The following BMP2K variants were observed in gnomAD, a reference collection of about 807,000 sequenced individuals.
The protein encoded by BMP2K is BMP2 inducible kinase, also known as BMP-2-inducible protein kinase.
In BMP2K, 74 loss-of-function variants were observed where a neutral mutation model predicts 116.0. That is an observed-to-expected ratio of 0.64 (90% CI 0.53 to 0.77). The LOEUF (loss-of-function observed/expected upper bound fraction) is 0.77, where lower values mean the gene tolerates loss of function less well. BMP2K is among the 30% of genes least tolerant of loss of function. BMP2K has a pLI of 0.00. For synonymous variants in BMP2K, 486 were observed against 502.5 expected, an observed-to-expected ratio of 0.97 and a Z score of 0.44; for missense variants, 1,365 against 1,403.6, an observed-to-expected ratio of 0.97 and a Z score of 0.44.
chr4:78,911,748 C>A lies in BMP2K; in HGVS notation c.3201C>A (p.Asp1067Glu). The A allele has an allele frequency of 6.2e-7, 1 of 1,613,986 alleles. No homozygotes were observed. Among genetic ancestry groups the A allele is most frequent in the Non-Finnish European group, 8.5e-7 (1 of 1,179,884 alleles). The change falls in exon 16 of 16, where the codon GAC (aspartate) becomes GAA (glutamate). Residue 1067 changes from aspartate (D) to glutamate (E), a missense_variant. Coordinates refer to ENST00000502613, the MANE Select transcript of BMP2K (RefSeq NM_198892.2). ...TACAACCTGAGGAGAGCCTGTTGGA[C>A]CCCTTCGGTGCCAAGCCCTTCCATT... ...NVLQPEESLL[D>E]PFGAKPFHSP...
At position 78,776,621 on chromosome 4, in the gene BMP2K, CG is replaced by C; in HGVS notation, c.82del (p.Ala28ProfsTer51). The stretch of plus-strand genomic sequence containing the variant: ...CGGCGGGTGGCGGGGCTGGCGGGGC[CG>C]GGGCCGGGGCCGGCTGCGGCTCCGG... ...GAAGGGAGGAGAGAGCGSGGS... is the reference protein window; with the variant it reads ...GAAGGGAGGAXAGAGCGSGGS... On this transcript the variant is annotated frameshift_variant, in exon 1 of 16. Coordinates refer to ENST00000502613, the MANE Select transcript of BMP2K (RefSeq NM_198892.2). LOFTEE classifies it high-confidence loss of function. 1 of 1,200,800 alleles carries C rather than the reference CG, an allele frequency of 8.3e-7. No individual in the cohort carries two copies. 74.4% of individuals were successfully genotyped at this position (1,200,800 alleles called of 1,614,324 possible). A position where few individuals can be genotyped will look rare whatever the true frequency, so the allele number is the denominator to read the frequency against.
chr4:78,823,560 TTATATAGTTA>T lies in BMP2K; in HGVS notation c.179-2459_179-2450del, dbSNP rs536673545. Among the ~76,000 whole-genome samples the T allele has an allele frequency of 6.4e-3, 938 of 147,362 alleles. 8 individuals carry two copies. Among genetic ancestry groups the T allele is most frequent in the African/African-American group, 0.018 (728 of 40,578 alleles). On this transcript the variant is annotated intron_variant, in intron 1 of 15. Coordinates refer to ENST00000502613, the MANE Select transcript of BMP2K (RefSeq NM_198892.2). ...TGGTTATATATATAGTTATATATAG[TTATATAGTTA>T]TATATAGTTATATATAGGTATATAT...
Position 78,782,569 on chromosome 4 carries a change from G to A in BMP2K, c.178+5848G>A, listed in dbSNP as rs371871332. Among the ~76,000 whole-genome samples, 46 of 152,294 alleles carry A rather than the reference G, an allele frequency of 3.0e-4. 1 individual carries two copies. In the South Asian group the frequency reaches 4.6e-3, roughly 15 times the overall value. ...CAAAGGTTTTGTACTTAGGCCAGAG[G>A]ACTCTGTGTTTTCTAGTTTGGTGAA... On this transcript the variant is annotated intron_variant, in intron 1 of 15. Coordinates refer to ENST00000502613, the MANE Select transcript of BMP2K (RefSeq NM_198892.2).
rs1727240338 is a variant in BMP2K at position 78,776,505 on chromosome 4, T to A, written c.-39T>A. ...TGCGCGCCGGGCCGGGGACTTGCCCTTGCACGCTCCCTGCGCCCTCCAGCT... is the reference window on the plus strand; with the variant it reads ...TGCGCGCCGGGCCGGGGACTTGCCCATGCACGCTCCCTGCGCCCTCCAGCT... On this transcript the variant is annotated 5_prime_UTR_variant, in exon 1 of 16. The change creates a new upstream start codon in the 5' untranslated region. Transcript: ENST00000502613. The A allele has an allele frequency of 8.9e-7, 1 of 1,126,818 alleles. No individual in the cohort carries two copies. Among genetic ancestry groups the A allele is most frequent in the Non-Finnish European group, 1.1e-6 (1 of 918,900 alleles). 69.8% of individuals were successfully genotyped at this position (1,126,818 alleles called of 1,614,324 possible).
At chr4:78,793,138 G>A (rs1363134902) in intron 1 of BMP2K, among the ~76,000 whole-genome samples, 4 of 152,138 alleles carry the variant, frequency 2.6e-5, no homozygotes, top group African/African-American at 7.2e-5. Context: ...TAGGCCGGGT[G>A]CGGTGGCTCA....
chr4:78,911,760 C>G lies in BMP2K; in HGVS notation c.3213C>G (p.Ala1071=). ...PEESLLDPFG[A]KPFHSPDLSW... ...AGAGCCTGTTGGACCCCTTCGGTGC[C>G]AAGCCCTTCCATTCTCCAGACCTGT... The change falls in exon 16 of 16, where the codon GCC becomes GCG. Residue 1071 remains alanine (A), a synonymous_variant. Transcript: ENST00000502613. 1.2e-6 allele frequency: 2 copies of G among 1,613,986 alleles called. No individual in the cohort carries two copies. The highest frequency in any genetic ancestry group is 4.5e-5 in the East Asian group (2 of 44,874).
rs1733149249 is a variant in BMP2K, at chr4:78,887,299, T to G, written c.2062+15T>G. 1.3e-6 allele frequency: 2 copies of G among 1,536,704 alleles called. No homozygotes were observed. The highest frequency in any genetic ancestry group is 1.8e-6 in the Non-Finnish European group (2 of 1,117,348). On this transcript the variant is annotated intron_variant, in intron 15 of 15. Coordinates refer to ENST00000502613, the MANE Select transcript of BMP2K (RefSeq NM_198892.2). ...TTCTCATTCAGGCAAGTTACACATG[T>G]AACATCATCACTGTCACAAATAAAA...
chr4:78,902,145 A>C (rs892527887), intron 15 of BMP2K, among the ~76,000 whole-genome samples: 19 of 152,178 alleles, frequency 1.2e-4, no homozygotes, highest in African/African-American at 4.6e-4. Flanking sequence ...GATATACTGA[A>C]TTCCACTGTA....
At chr4:78,798,425 C>T (rs1728404042) in intron 1 of BMP2K, among the ~76,000 whole-genome samples, 1 of 152,212 alleles carries the variant, frequency 6.6e-6, no homozygotes, top group African/African-American at 2.4e-5. Context: ...TATGTAGTCT[C>T]ATCAAGGGAG....
chr4:78,885,445 A>G (rs909883461), intron 14 of BMP2K, among the ~76,000 whole-genome samples: 2 of 152,192 alleles, frequency 1.3e-5, no homozygotes, highest in Admixed American at 6.5e-5. Context: ...ATCAGAGTCT[A>G]CATTTTAACA....
At chr4:78,834,331 G>A (rs1257450772) in intron 3 of BMP2K, among the ~76,000 whole-genome samples, 2 of 150,000 alleles carry the variant, frequency 1.3e-5, no homozygotes, top group Non-Finnish European at 2.9e-5. Flanking sequence ...GTGCGATCTC[G>A]GCTCACTACC....
intron 14 of BMP2K, among the ~76,000 whole-genome samples, chr4:78,883,281 A>C (rs535750885): frequency 6.6e-6 from 1 of 152,150 alleles, no homozygotes; most frequent in Non-Finnish European, 1.5e-5. Flanking sequence ...ATGTATTTAC[A>C]AAGTAGTTCT....
intron 1 of BMP2K, among the ~76,000 whole-genome samples, chr4:78,790,251 A>G (rs777847074): frequency 6.6e-6 from 1 of 152,230 alleles, no homozygotes; most frequent in East Asian, 1.9e-4. Context: ...TTAAAGGATA[A>G]TGTTTCTAAA....
rs1466703305 is a variant in BMP2K, at chr4:78,911,986, G to A, written c.3439G>A (p.Val1147Ile). ...TPHQSQQSQP[V>I]ELDPFGAAPF... ...ACATCAGTCCCAACAGTCCCAACCA[G>A]TCGAATTAGACCCATTTGGTGCTGC... Residue 1147 changes from valine (V) to isoleucine (I), a missense_variant, in exon 16 of 16, where the codon GTC becomes ATC. Val to Ile is a conservative substitution (Grantham distance 29, BLOSUM62 3). Transcript: ENST00000502613. 1.9e-6 allele frequency: 3 copies of A among 1,613,650 alleles called. No individual in the cohort carries two copies. The African/African-American group carries it at 4.0e-5, about 22-fold the overall frequency.
intron 2 of BMP2K, among the ~76,000 whole-genome samples, chr4:78,832,869 A>C (rs1342348690): frequency 2.6e-5 from 4 of 152,022 alleles, no homozygotes; most frequent in Admixed American, 6.5e-5. Flanking sequence ...ATTACATTGC[A>C]TAGTTAAAAC....
At chr4:78,883,048 G>A (rs865986621) in intron 14 of BMP2K, among the ~76,000 whole-genome samples, 27 of 151,878 alleles carry the variant, frequency 1.8e-4, no homozygotes, top group African/African-American at 5.6e-4. Context: ...TTTTAATTTC[G>A]TGATAATATT....
intron 1 of BMP2K, among the ~76,000 whole-genome samples, chr4:78,817,422 C>T (rs1037591033): frequency 4.6e-5 from 7 of 152,120 alleles, no homozygotes; most frequent in African/African-American, 1.7e-4. Context: ...TACAGTGACT[C>T]ACAGAACTCA....
chr4:78,865,770 C>A (rs780522158), intron 10 of BMP2K, 50 bp downstream of exon 10: 1 of 1,563,302 alleles, frequency 6.4e-7, no homozygotes. Flanking sequence ...TGTTAATAAA[C>A]CTTTCATGAT....
intron 7 of BMP2K, chr4:78,859,276 A>G (rs1338890370): frequency 4.8e-6 from 1 of 206,674 alleles, no homozygotes; most frequent in Admixed American, 5.8e-5. Flanking sequence ...ACTTTCTTGA[A>G]TAATTCCCCA....
Sources: gnomAD v4.1 joint callset for allele counts (sites outside exome capture counted in the v4.1 genomes callset) on GRCh38, gnomAD v4.1.1 for gene constraint, MANE v1.5 for transcripts, NCBI Gene and HGNC (gene_info 2026-07-23, HGNC 2026-07-21) for gene names.